METTL16: variants seen among roughly 807,000 people sequenced by gnomAD.
METTL16 encodes methyltransferase 16, RNA N6-adenosine, also known as RNA N(6)-adenosine-methyltransferase METTL16.
In METTL16, 19 loss-of-function variants were observed where a neutral mutation model predicts 57.9. That is an observed-to-expected ratio of 0.33 (90% CI 0.23 to 0.48). METTL16 has a LOEUF of 0.48. Ranked by LOEUF, METTL16 falls within the 20% of genes least tolerant of loss-of-function variation. METTL16 has a pLI of 0.99. For missense variants in METTL16, 434 were observed against 691.5 expected, an observed-to-expected ratio of 0.63 and a Z score of 4.18; for synonymous variants, 246 against 255.6, an observed-to-expected ratio of 0.96 and a Z score of 0.36.
intron 2 of METTL16, among the ~76,000 whole-genome samples, chr17:2,483,928 C>T (rs2067324433): frequency 6.6e-6 from 1 of 152,220 alleles, no homozygotes; most frequent in Non-Finnish European, 1.5e-5. Flanking sequence ...CATTCAAACA[C>T]ATTCGTGTCT....
At chr17:2,491,949 C>T (rs1011221339) in intron 2 of METTL16, among the ~76,000 whole-genome samples, 5 of 150,088 alleles carry the variant, frequency 3.3e-5, no homozygotes, top group South Asian at 2.1e-4. Flanking sequence ...CGGTGGCTCA[C>T]GCCTGTAACC....
At chr17:2,480,779 T>C (rs548791484) in intron 2 of METTL16, among the ~76,000 whole-genome samples, 2 of 152,332 alleles carry the variant, frequency 1.3e-5, no homozygotes, top group South Asian at 2.1e-4. Context: ...ATAAAATACA[T>C]GAGTCCATCC....
At chr17:2,448,781 T>TAAAAAAAAAA (rs1369462081) in intron 6 of METTL16, among the ~76,000 whole-genome samples, 1 of 33,692 alleles carries the variant, frequency 3.0e-5, no homozygotes, top group African/African-American at 9.8e-5. Context: ...AATAAAAAAA[T>TAAAAAAAAAA]AAAAAAATAA....
chr17:2,466,633 T>G (rs2067198814), intron 5 of METTL16, among the ~76,000 whole-genome samples: 1 of 152,194 alleles, frequency 6.6e-6, no homozygotes, highest in South Asian at 2.1e-4. Flanking sequence ...CTCAAGTCCC[T>G]TTTATCACAT....
At chr17:2,479,451 GT>G (rs2067288970) in intron 2 of METTL16, among the ~76,000 whole-genome samples, 1 of 151,516 alleles carries the variant, frequency 6.6e-6, no homozygotes, top group African/African-American at 2.4e-5. Flanking sequence ...GATTGCAGGC[GT>G]GAACCACTGC....
intron 6 of METTL16, among the ~76,000 whole-genome samples, chr17:2,443,598 TGCCTCAGCCTCCCGAGTAGCTGG>T (rs2066969879): frequency 2.0e-5 from 3 of 151,468 alleles, no homozygotes; most frequent in Non-Finnish European, 4.4e-5. Context: ...GCCATTATCC[TGCCTCAGCCTCCCGAGTAGCTGG>T]GACTACAGGC....
At position 2,510,275 on chromosome 17, in the gene METTL16, T is replaced by A. The variant is rs545824691; in HGVS notation, c.-1+1484A>T. ...TATATGGGGTATTCACCACTTTGAG[T>A]ATTTTTTATATCTATGTATTGGTAA... is the stretch of plus-strand genomic sequence containing the variant. On this transcript the variant is annotated intron_variant, in intron 1 of 9. Coordinates refer to ENST00000263092, the MANE Select transcript of METTL16 (RefSeq NM_024086.4). 7.4e-4 allele frequency among the ~76,000 whole-genome samples: 112 copies of A among 152,264 alleles called. 1 individual carries two copies. In the South Asian group the frequency reaches 0.01, roughly 14 times the overall value.
At chr17:2,511,125 G>T (rs910361623) in intron 1 of METTL16, among the ~76,000 whole-genome samples, 1 of 151,686 alleles carries the variant, frequency 6.6e-6, no homozygotes, top group African/African-American at 2.4e-5. Context: ...TTCAAAAAAA[G>T]CTCAGCCCAT....
intron 2 of METTL16, among the ~76,000 whole-genome samples, chr17:2,485,805 T>C (rs2067337142): frequency 6.6e-6 from 1 of 152,106 alleles, no homozygotes; most frequent in African/African-American, 2.4e-5. Context: ...ATAGGTATTA[T>C]CCAGAAATCA....
intron 8 of METTL16, among the ~76,000 whole-genome samples, chr17:2,423,841 C>G (rs2066787917): frequency 6.6e-6 from 1 of 152,190 alleles, no homozygotes; most frequent in South Asian, 2.1e-4. Flanking sequence ...TTCATCATTT[C>G]TAGAGATTAA....
chr17:2,452,963 G>A (rs2067081912), intron 6 of METTL16, among the ~76,000 whole-genome samples: 1 of 151,980 alleles, frequency 6.6e-6, no homozygotes, highest in Non-Finnish European at 1.5e-5. Context: ...AGGCTCAGGC[G>A]ATTCTCCTGA....
At chr17:2,474,835 G>A (rs1040796671) in intron 3 of METTL16, among the ~76,000 whole-genome samples, 2 of 152,156 alleles carry the variant, frequency 1.3e-5, no homozygotes, top group African/African-American at 2.4e-5. Flanking sequence ...CAGGAGAATC[G>A]CTCGAACCTG....
At chr17:2,433,894 A>G (rs1416400719) in intron 8 of METTL16, among the ~76,000 whole-genome samples, 2 of 152,162 alleles carry the variant, frequency 1.3e-5, no homozygotes, top group Non-Finnish European at 1.5e-5. Flanking sequence ...CCCCAGCCTG[A>G]GCCACTTCCT....
intron 8 of METTL16, among the ~76,000 whole-genome samples, chr17:2,426,981 GA>G (rs34249994): frequency 0.72 from 102,577 of 141,886 alleles, 36,894 homozygotes; most frequent in East Asian, 0.97. Context: ...CTAAAAATAC[GA>G]AAAAAAAAAA....
At chr17:2,434,857 T>G (rs1291312734) in intron 8 of METTL16, among the ~76,000 whole-genome samples, 1 of 152,216 alleles carries the variant, frequency 6.6e-6, no homozygotes, top group Non-Finnish European at 1.5e-5. Flanking sequence ...AGGGGATCCT[T>G]TTTAAGCCCA....
intron 2 of METTL16, among the ~76,000 whole-genome samples, chr17:2,501,406 G>A (rs114014846): frequency 0.064 from 9,674 of 152,138 alleles, 965 homozygotes; most frequent in African/African-American, 0.22. Flanking sequence ...TCCAGCTTGG[G>A]CAACAGAGCA....
At chr17:2,428,889 G>C (rs973077612) in intron 8 of METTL16, among the ~76,000 whole-genome samples, 5 of 151,966 alleles carry the variant, frequency 3.3e-5, no homozygotes, top group African/African-American at 1.2e-4. Context: ...ACGGAGTTTT[G>C]CTCTTGTTGC....
At chr17:2,423,541 C>T (rs575567122) in intron 8 of METTL16, among the ~76,000 whole-genome samples, 8 of 152,158 alleles carry the variant, frequency 5.3e-5, no homozygotes, top group African/African-American at 1.7e-4. Flanking sequence ...CGTATTAAGC[C>T]GGTGTGTGGG....
At chr17:2,452,237 T>C (rs1239431686) in intron 6 of METTL16, among the ~76,000 whole-genome samples, 1 of 152,016 alleles carries the variant, frequency 6.6e-6, no homozygotes, top group Non-Finnish European at 1.5e-5. Context: ...AAACATGCCA[T>C]TGATACTTAA....
Sources: allele counts gnomAD v4.1 joint callset (sites outside exome capture counted in the v4.1 genomes callset), GRCh38; gene constraint gnomAD v4.1.1; transcripts MANE v1.5; gene names NCBI Gene and HGNC (gene_info 2026-07-23, HGNC 2026-07-21).